Variants in RABGAP1L observed in about 807,000 individuals in gnomAD.
RABGAP1L encodes rab GTPase-activating protein 1-like.
In RABGAP1L, 63 loss-of-function variants were observed where a neutral mutation model predicts 137.7. The ratio of observed to expected loss-of-function variants is 0.46; its 90% CI spans 0.37 to 0.56. RABGAP1L has a LOEUF of 0.56. Ranked by LOEUF, RABGAP1L falls within the 20% of genes least tolerant of loss-of-function variation. The pLI is 0.00. For synonymous variants in RABGAP1L, 431 were observed against 433.7 expected (o/e 0.99, Z 0.08); for missense variants, 1,095 against 1,244.0 (o/e 0.88, Z 1.80).
At chr1:174,292,100 C>G (rs951864755) in intron 10 of RABGAP1L, among the ~76,000 whole-genome samples, 7 of 149,230 alleles carry the variant, frequency 4.7e-5, no homozygotes, top group Non-Finnish European at 8.9e-5. Flanking sequence ...TGCAGTGGCA[C>G]GACCATAGTT....
At chr1:174,880,531 T>C (rs964760215) in intron 19 of RABGAP1L, among the ~76,000 whole-genome samples, 3 of 152,052 alleles carry the variant, frequency 2.0e-5, no homozygotes, top group African/African-American at 7.2e-5. Context: ...ATTCTCTTTT[T>C]TTTTCTTTTC....
chr1:174,323,189 A>C (rs569168395), intron 11 of RABGAP1L, among the ~76,000 whole-genome samples: 3 of 152,174 alleles, frequency 2.0e-5, no homozygotes, highest in African/African-American at 7.2e-5. Flanking sequence ...TGTGGCATAT[A>C]TATTAGATAT....
intron 13 of RABGAP1L, among the ~76,000 whole-genome samples, chr1:174,519,767 G>A (rs1049941166): frequency 2.8e-4 from 42 of 152,162 alleles, no homozygotes; most frequent in African/African-American, 7.7e-4. Context: ...CTAACTGTGC[G>A]TAGGTTCTTT....
At chr1:174,637,216 A>T (rs1413684224) in intron 13 of RABGAP1L, among the ~76,000 whole-genome samples, 159 bp from the exon 14 acceptor site, 2 of 152,214 alleles carry the variant, frequency 1.3e-5, no homozygotes, top group African/African-American at 4.8e-5. Flanking sequence ...GGTAGCACTT[A>T]TCTTGGGTAT....
intron 18 of RABGAP1L, among the ~76,000 whole-genome samples, chr1:174,794,399 A>G (rs566695009): frequency 1.5e-4 from 23 of 152,100 alleles, no homozygotes; most frequent in Admixed American, 1.4e-3. Flanking sequence ...CTTTTCTTCT[A>G]TGTGATTTCC....
intron 3 of RABGAP1L, among the ~76,000 whole-genome samples, chr1:174,222,774 GA>G (rs1558044531): frequency 6.6e-6 from 1 of 152,166 alleles, no homozygotes; most frequent in South Asian, 2.1e-4. Context: ...AGTGTGATTA[GA>G]AAAAAAGTGA....
At chr1:174,351,074 G>T (rs1201082461) in intron 11 of RABGAP1L, among the ~76,000 whole-genome samples, 1 of 70,756 alleles carries the variant, frequency 1.4e-5, no homozygotes, top group Non-Finnish European at 3.3e-5. Flanking sequence ...ACCGTGGGGG[G>T]AGGGGGAGGG....
At chr1:174,194,235 C>CTTTTT (rs59046200) in intron 1 of RABGAP1L, among the ~76,000 whole-genome samples, 1 of 137,010 alleles carries the variant, frequency 7.3e-6, no homozygotes, top group African/African-American at 2.7e-5. Context: ...TCAGTTAATT[C>CTTTTT]TTTTTTTTTT....
chr1:174,896,557 G>A lies in RABGAP1L; in HGVS notation c.2341-60900G>A, dbSNP rs368716820. 7.9e-5 allele frequency among the ~76,000 whole-genome samples: 12 copies of A among 152,238 alleles called. No individual in the cohort carries two copies. The East Asian group carries it at 2.1e-3, about 27-fold the overall frequency. On this transcript the variant is annotated intron_variant, in intron 19 of 25. Coordinates refer to ENST00000681986, the MANE Select transcript of RABGAP1L (RefSeq NM_001366446.1). The stretch of plus-strand genomic sequence containing the variant: ...GGTATTGCCTAGGTTTTCTTCTAGG[G>A]TTTTTATGGTTTTATGTCTAACATT...
chr1:174,982,733 A>T (rs1446412473), intron 23 of RABGAP1L, 101 bp from the exon 24 acceptor site: 4 of 1,177,754 alleles, frequency 3.4e-6, no homozygotes, highest in Non-Finnish European at 4.9e-6. Flanking sequence ...TCCTTCTAGG[A>T]TCAGATGTGC....
At chr1:174,534,775 CAAAAAAAA>C (rs71117567) in intron 13 of RABGAP1L, among the ~76,000 whole-genome samples, 36 of 71,622 alleles carry the variant, frequency 5.0e-4, no homozygotes, top group East Asian at 3.8e-3. Context: ...ACTCTGTCTC[CAAAAAAAA>C]AAAAAAAAAA....
At chr1:174,745,269 G>A (rs370915612) in intron 17 of RABGAP1L, among the ~76,000 whole-genome samples, 12 of 152,138 alleles carry the variant, frequency 7.9e-5, no homozygotes, top group African/African-American at 2.9e-4. Flanking sequence ...AGCTGGCTTC[G>A]AAAAGTGAGT....
intron 5 of RABGAP1L, among the ~76,000 whole-genome samples, chr1:174,243,541 C>T (rs1009221128): frequency 6.6e-6 from 1 of 152,082 alleles, no homozygotes; most frequent in Non-Finnish European, 1.5e-5. Context: ...AAATCCTCCT[C>T]CAGGTAATGA....
intron 19 of RABGAP1L, among the ~76,000 whole-genome samples, chr1:174,858,143 G>T (rs1034494919): frequency 6.6e-6 from 1 of 152,056 alleles, no homozygotes; most frequent in Non-Finnish European, 1.5e-5. Context: ...TTCCCAAGTA[G>T]TTGGGATTAC....
intron 1 of RABGAP1L, among the ~76,000 whole-genome samples, chr1:174,202,973 A>G (rs931038820): frequency 2.0e-5 from 3 of 151,464 alleles, no homozygotes; most frequent in Admixed American, 2.0e-4. Flanking sequence ...GATGTGTGGT[A>G]TTATTTCTTT....
At chr1:174,892,728 C>CT (rs201231625) in intron 19 of RABGAP1L, 8,009 of 393,382 alleles carry the variant, frequency 0.02, 109 homozygotes, top group Admixed American at 0.033. Flanking sequence ...TCTTTGTTTT[C>CT]TTTCTTTTTT....
At chr1:174,339,010 C>G (rs138578516) in intron 11 of RABGAP1L, among the ~76,000 whole-genome samples, 65 of 152,194 alleles carry the variant, frequency 4.3e-4, no homozygotes, top group African/African-American at 1.5e-3. Flanking sequence ...TATGTAATTC[C>G]TGAAAGTCTG....
chr1:174,364,608 A>G (rs1684454374), intron 11 of RABGAP1L, among the ~76,000 whole-genome samples: 2 of 152,006 alleles, frequency 1.3e-5, no homozygotes, highest in Non-Finnish European at 2.9e-5. Context: ...GAATTTATTA[A>G]TTTCTTCTAG....
chr1:174,177,298 C>T (rs987118156), intron 1 of RABGAP1L, among the ~76,000 whole-genome samples: 1 of 152,136 alleles, frequency 6.6e-6, no homozygotes, highest in African/African-American at 2.4e-5. Flanking sequence ...AGTGTCTGTT[C>T]ATATCCTTCG....
Sources: gnomAD v4.1 joint callset for allele counts (sites outside exome capture counted in the v4.1 genomes callset) on GRCh38, gnomAD v4.1.1 for gene constraint, MANE v1.5 for transcripts, NCBI Gene and HGNC (gene_info 2026-07-23, HGNC 2026-07-21) for gene names.